The following FAM174A variants were observed in gnomAD, a reference collection of about 807,000 sequenced individuals.
The protein encoded by FAM174A is family with sequence similarity 174 member A, also known as membrane protein FAM174A.
Under a neutral mutation model 14.3 loss-of-function variants are expected in FAM174A, and 14 were observed. The ratio of observed to expected loss-of-function variants is 0.98; its 90% CI spans 0.65 to 1.53. The LOEUF (loss-of-function observed/expected upper bound fraction) is 1.53. Among genes scored for constraint, FAM174A ranks in the 40% most tolerant of loss-of-function variants. The pLI is 0.00. For synonymous variants in FAM174A, 108 were observed against 111.4 expected (o/e 0.97, Z 0.19); for missense variants, 241 against 249.6 (o/e 0.97, Z 0.23).
chr5:100,555,700 T>C (rs2112378252), intron 1 of FAM174A, among the ~76,000 whole-genome samples: 1 of 152,316 alleles, frequency 6.6e-6, no homozygotes, highest in East Asian at 1.9e-4. Flanking sequence ...CATTTTTTCA[T>C]GTGTGTGTGT....
At chr5:100,572,740 G>A (rs1424587482) in intron 2 of FAM174A, among the ~76,000 whole-genome samples, 1 of 152,146 alleles carries the variant, frequency 6.6e-6, no homozygotes, top group Non-Finnish European at 1.5e-5. Context: ...ATAGCAGCAT[G>A]ATTTATAGTC....
intron 1 of FAM174A, among the ~76,000 whole-genome samples, chr5:100,537,356 G>GT (rs1377277777): frequency 2.0e-5 from 3 of 151,722 alleles, no homozygotes; most frequent in African/African-American, 7.3e-5. Context: ...TTCTTTTTAC[G>GT]TTTTTTTCTT....
chr5:100,538,310 T>A (rs924076682), intron 1 of FAM174A, among the ~76,000 whole-genome samples: 2 of 152,160 alleles, frequency 1.3e-5, no homozygotes, highest in African/African-American at 4.8e-5. Flanking sequence ...GCCAAAATCA[T>A]TATTTTCTTA....
chr5:100,550,183 T>C (rs1226970000), intron 1 of FAM174A, among the ~76,000 whole-genome samples: 2 of 152,176 alleles, frequency 1.3e-5, no homozygotes, highest in African/African-American at 4.8e-5. Flanking sequence ...AGTATGACAG[T>C]TGCCTGGATC....
At chr5:100,552,042 G>A (rs1439641885) in intron 1 of FAM174A, among the ~76,000 whole-genome samples, 1 of 152,154 alleles carries the variant, frequency 6.6e-6, no homozygotes, top group Non-Finnish European at 1.5e-5. Flanking sequence ...TCCCTTATTA[G>A]TATCTGATTC....
intron 2 of FAM174A, among the ~76,000 whole-genome samples, chr5:100,578,309 C>T (rs1321379816): frequency 6.6e-6 from 1 of 152,106 alleles, no homozygotes; most frequent in African/African-American, 2.4e-5. Flanking sequence ...AGACCAATCT[C>T]TTGAATCTTG....
chr5:100,545,268 G>A (rs1746143311), intron 1 of FAM174A, among the ~76,000 whole-genome samples: 1 of 152,158 alleles, frequency 6.6e-6, no homozygotes. Context: ...AATTTGCATT[G>A]TTCAGTATGA....
intron 2 of FAM174A, among the ~76,000 whole-genome samples, chr5:100,571,375 T>C (rs942085450): frequency 6.6e-6 from 1 of 151,576 alleles, no homozygotes; most frequent in Non-Finnish European, 1.5e-5. Flanking sequence ...AAGAGTTATT[T>C]AATATACATA....
chr5:100,569,889 A>G (rs1746740370), intron 2 of FAM174A, among the ~76,000 whole-genome samples: 1 of 151,760 alleles, frequency 6.6e-6, no homozygotes, highest in African/African-American at 2.4e-5. Flanking sequence ...TTAGATATGG[A>G]GTTGGGATTC....
chr5:100,555,078 C>T (rs1354762153), intron 1 of FAM174A, among the ~76,000 whole-genome samples: 1 of 151,950 alleles, frequency 6.6e-6, no homozygotes, highest in African/African-American at 2.4e-5. Flanking sequence ...TCCCTCCCCC[C>T]TACCCCCACC....
intron 2 of FAM174A, among the ~76,000 whole-genome samples, chr5:100,565,870 C>G (rs1746632561): frequency 6.6e-6 from 1 of 151,460 alleles, no homozygotes; most frequent in Admixed American, 6.6e-5. Context: ...ACAATCATGG[C>G]AGTAGGCAAA....
chr5:100,556,961 C>A (rs975107752), intron 1 of FAM174A, among the ~76,000 whole-genome samples: 2 of 152,112 alleles, frequency 1.3e-5, no homozygotes, highest in African/African-American at 4.8e-5. Context: ...TTGCCCTGAC[C>A]AGAACTTCCA....
At chr5:100,550,786 C>T (rs1746247049) in intron 1 of FAM174A, among the ~76,000 whole-genome samples, 4 of 152,136 alleles carry the variant, frequency 2.6e-5, no homozygotes, top group Admixed American at 1.3e-4. Flanking sequence ...GAAAGATGAG[C>T]AGGCATTCAC....
chr5:100,539,152 A>G (rs1341712573), intron 1 of FAM174A, among the ~76,000 whole-genome samples: 1 of 152,112 alleles, frequency 6.6e-6, no homozygotes, highest in Non-Finnish European at 1.5e-5. Flanking sequence ...TCATGCTCAT[A>G]TAGTGGAGAT....
intron 2 of FAM174A, among the ~76,000 whole-genome samples, chr5:100,578,114 T>G (rs1746937810): frequency 6.6e-6 from 1 of 152,152 alleles, no homozygotes; most frequent in East Asian, 1.9e-4. Flanking sequence ...AGCATTTTTA[T>G]TTTTAGTACC....
At position 100,535,617 on chromosome 5, in the gene FAM174A, C is replaced by A. The variant is rs1241321848; in HGVS notation, c.87C>A (p.Pro29=). 3 of 1,613,262 alleles carry A rather than the reference C, an allele frequency of 1.9e-6. No individual in the cohort carries two copies. The highest frequency in any genetic ancestry group is 2.5e-6 in the Non-Finnish European group (3 of 1,179,946). The change falls in exon 1 of 3, where the codon CCC becomes CCA. Residue 29 remains proline (P), a synonymous_variant. Coordinates refer to ENST00000312637, the MANE Select transcript of FAM174A (RefSeq NM_198507.3). ...LLLLLPELSG[P]LAVLLQAAEA... Reference sequence around the variant, plus strand: ...TGTTGCTGCCTGAACTAAGCGGGCCCCTGGCAGTCCTGCTGCAGGCAGCCG... The same window carrying A: ...TGTTGCTGCCTGAACTAAGCGGGCCACTGGCAGTCCTGCTGCAGGCAGCCG...
In FAM174A at chr5:100,562,118, G is replaced by T; in HGVS notation, c.499G>T (p.Glu167Ter). The T allele has an allele frequency of 6.3e-7, 1 of 1,588,544 alleles. No homozygotes were observed. The change falls in exon 2 of 3, where the codon GAA becomes TAA. Residue 167 changes from glutamate to a stop codon, truncating the protein, a stop_gained. Transcript: ENST00000312637. LOFTEE classifies it high-confidence loss of function. Reference protein sequence around the residue: ...GVLDTNIENMELTPLEQDDED... With the variant: ...GVLDTNIENM ...TTTGGACACTAACATAGAAAATATG[G>T]AATTGACACCTTTAGAACAGGATGA...
chr5:100,542,595 T>C (rs1423217701), intron 1 of FAM174A, among the ~76,000 whole-genome samples: 1 of 152,224 alleles, frequency 6.6e-6, no homozygotes, highest in Non-Finnish European at 1.5e-5. Context: ...ACTGAACAGA[T>C]GGTGTTCCCT....
chr5:100,582,646 G>A (rs1180343776), intron 2 of FAM174A, among the ~76,000 whole-genome samples: 2 of 152,040 alleles, frequency 1.3e-5, no homozygotes, highest in Non-Finnish European at 2.9e-5. Flanking sequence ...TAATAAACTA[G>A]TTAGGCAATA....
Sources: gnomAD v4.1 joint callset for allele counts (sites outside exome capture counted in the v4.1 genomes callset) on GRCh38, gnomAD v4.1.1 for gene constraint, MANE v1.5 for transcripts, NCBI Gene and HGNC (gene_info 2026-07-23, HGNC 2026-07-21) for gene names.